The following BORCS5 variants were observed in gnomAD, a reference collection of about 807,000 sequenced individuals.
BORCS5 encodes the protein BLOC-1 related complex subunit 5.
Under a neutral mutation model 22.1 loss-of-function variants are expected in BORCS5, and 17 were observed. The ratio of observed to expected loss-of-function variants is 0.77; its 90% CI spans 0.53 to 1.15. BORCS5 has a LOEUF of 1.15. Among genes scored for constraint, BORCS5 ranks in the 50% most tolerant of loss-of-function variants. BORCS5 has a pLI of 0.00. For synonymous variants in BORCS5, 117 were observed against 99.8 expected, an observed-to-expected ratio of 1.17 and a Z score of -1.03; for missense variants, 247 against 253.2, an observed-to-expected ratio of 0.98 and a Z score of 0.17.
intron 3 of BORCS5, among the ~76,000 whole-genome samples, chr12:12,446,189 A>T (rs1374214407): frequency 6.6e-6 from 1 of 151,034 alleles, no homozygotes; most frequent in Non-Finnish European, 1.5e-5. Flanking sequence ...CTTACATTCC[A>T]TTGTGGACAC....
At position 12,357,154 on chromosome 12, in the gene BORCS5, G is replaced by A. The variant is rs1350119914; in HGVS notation, c.-298G>A. ...GCGGCGCCGCCCGCCGGCCGCAGGT[G>A]CGGCAAAGCCAGTGTCATCTGCCGG... is the stretch of plus-strand genomic sequence containing the variant. On this transcript the variant is annotated 5_prime_UTR_variant, in exon 1 of 4. Transcript: ENST00000314565. 8 of 1,532,934 alleles carry A rather than the reference G, an allele frequency of 5.2e-6. No individual in the cohort carries two copies. Among genetic ancestry groups the A allele is most frequent in the African/African-American group, 4.1e-5 (3 of 72,974 alleles). The allele number at this position is 1,532,934 out of a possible 1,614,324, so 95.0% of individuals were successfully genotyped here. A position where few individuals can be genotyped will look rare whatever the true frequency, so the allele number is the denominator to read the frequency against.
intron 2 of BORCS5, among the ~76,000 whole-genome samples, chr12:12,391,468 C>T (rs1941181341): frequency 6.6e-6 from 1 of 151,692 alleles, no homozygotes; most frequent in Non-Finnish European, 1.5e-5. Flanking sequence ...TCACTTCAAC[C>T]TCCACCACCT....
chr12:12,423,848 C>T (rs193221925), intron 2 of BORCS5, among the ~76,000 whole-genome samples: 118 of 152,204 alleles, frequency 7.8e-4, no homozygotes, highest in African/African-American at 2.6e-3. Flanking sequence ...GCCACCACGC[C>T]TGGCTAATTT....
rs139489489 is a variant in BORCS5 at position 12,439,860 on chromosome 12, C to T, written c.360+4075C>T. ...AGCAAACTCCTGAATCATATCCGTC[C>T]GTCTATGTTCACCTCAGACCTAAGG... On this transcript the variant is annotated intron_variant, in intron 3 of 3. Coordinates refer to ENST00000314565, the MANE Select transcript of BORCS5 (RefSeq NM_058169.6). Among the ~76,000 whole-genome samples, 8 of 152,270 alleles carry T rather than the reference C, an allele frequency of 5.3e-5. No individual in the cohort carries two copies. In the South Asian group the frequency reaches 6.2e-4, roughly 12 times the overall value.
chr12:12,398,604 G>C (rs1336079459), intron 2 of BORCS5, among the ~76,000 whole-genome samples: 1 of 152,060 alleles, frequency 6.6e-6, no homozygotes, highest in Non-Finnish European at 1.5e-5. Context: ...AGCTCTTTTG[G>C]CTCAATATAA....
intron 2 of BORCS5, among the ~76,000 whole-genome samples, chr12:12,425,152 G>C (rs1363451978): frequency 6.6e-6 from 1 of 152,214 alleles, no homozygotes; most frequent in Admixed American, 6.5e-5. Context: ...CCAGGAATAA[G>C]TGCGTAGCTG....
Position 12,357,103 on chromosome 12 carries a change from T to A in BORCS5, c.-349T>A, listed in dbSNP as rs1388105228. On this transcript the variant is annotated 5_prime_UTR_variant, in exon 1 of 4. Transcript: ENST00000314565. ...ATCTGCGTCCCGGAAGGAGCGAGCT[T>A]GCGGAGCGTGAACCAGTGAGTGAAA... 5 of 1,534,504 alleles carry A rather than the reference T, an allele frequency of 3.3e-6. No individual in the cohort carries two copies. Among genetic ancestry groups the A allele is most frequent in the Non-Finnish European group, 4.4e-6 (5 of 1,146,066 alleles).
intron 3 of BORCS5, among the ~76,000 whole-genome samples, chr12:12,460,834 G>A (rs532241145): frequency 2.1e-4 from 32 of 152,260 alleles, no homozygotes; most frequent in African/African-American, 7.0e-4. Context: ...CATAAGCATT[G>A]CTTGGTCATA....
intron 2 of BORCS5, among the ~76,000 whole-genome samples, chr12:12,407,739 G>A (rs10772560): frequency 0.22 from 32,101 of 143,648 alleles, 4,497 homozygotes; most frequent in Admixed American, 0.3. Context: ...AGGGCCTCAC[G>A]CTGTCACCCA....
chr12:12,405,911 G>A lies in BORCS5; in HGVS notation c.203-29717G>A, dbSNP rs182251020. On this transcript the variant is annotated intron_variant, in intron 2 of 3. Transcript: ENST00000314565. ...TGGATAGCTCACAGAATCAGCAGAA[G>A]AGCTCTAGAATCGTGTTTTGGGCTA... is the stretch of plus-strand genomic sequence containing the variant. 3.4e-3 allele frequency among the ~76,000 whole-genome samples: 514 copies of A among 152,382 alleles called. 6 individuals carry two copies. Among genetic ancestry groups the A allele is most frequent in the Middle Eastern group, 3.4e-3 (1 of 294 alleles).
chr12:12,450,732 T>G (rs556453516), intron 3 of BORCS5, among the ~76,000 whole-genome samples: 13 of 152,332 alleles, frequency 8.5e-5, no homozygotes, highest in African/African-American at 3.1e-4. Context: ...GAATTCTGGC[T>G]TCACTGCTAG....
At chr12:12,413,425 G>A in intron 2 of BORCS5, among the ~76,000 whole-genome samples, 1 of 147,464 alleles carries the variant, frequency 6.8e-6, no homozygotes, top group Non-Finnish European at 1.5e-5. Context: ...AGGATCCCAA[G>A]GCAGAAGAAT....
In BORCS5 at chr12:12,357,375, G is replaced by GCCCCTGC; in HGVS notation, c.-74_-68dup. On this transcript the variant is annotated 5_prime_UTR_variant, in exon 1 of 4. Transcript: ENST00000314565. ...CTTTGCCTCCCCGTCCCGGTCCCTG[G>GCCCCTGC]CCCCTGCCCTGTCGCCCGCCGCCGG... 6.4e-7 allele frequency: 1 copy of GCCCCTGC among 1,553,046 alleles called. No individual in the cohort carries two copies. The highest frequency in any genetic ancestry group is 1.9e-5 in the Admixed American group (1 of 53,430).
chr12:12,371,198 G>A (rs950508161), intron 2 of BORCS5, among the ~76,000 whole-genome samples: 1 of 152,130 alleles, frequency 6.6e-6, no homozygotes, highest in African/African-American at 2.4e-5. Context: ...TTTAGTGAAG[G>A]GTCTTATTTA....
At chr12:12,427,748 G>A (rs1043373048) in intron 2 of BORCS5, among the ~76,000 whole-genome samples, 14 of 152,184 alleles carry the variant, frequency 9.2e-5, no homozygotes, top group Admixed American at 3.3e-4. Flanking sequence ...ATTTGCCTCT[G>A]CCGAGGACCT....
At chr12:12,430,312 G>A in intron 2 of BORCS5, among the ~76,000 whole-genome samples, 1 of 151,886 alleles carries the variant, frequency 6.6e-6, no homozygotes, top group East Asian at 1.9e-4. Flanking sequence ...CACCACGCCT[G>A]GCTAATTTTT....
intron 2 of BORCS5, among the ~76,000 whole-genome samples, chr12:12,366,694 AT>A (rs1565829514): frequency 6.6e-6 from 1 of 152,204 alleles, no homozygotes; most frequent in Non-Finnish European, 1.5e-5. Flanking sequence ...AACCACTCAT[AT>A]TTTTTAATGA....
intron 3 of BORCS5, among the ~76,000 whole-genome samples, chr12:12,450,605 A>G (rs1051144524): frequency 1.3e-5 from 2 of 152,226 alleles, no homozygotes; most frequent in Non-Finnish European, 2.9e-5. Context: ...AAGGATTTCA[A>G]AAAGGCATTA....
intron 3 of BORCS5, among the ~76,000 whole-genome samples, chr12:12,459,619 A>G (rs1420777824): frequency 2.6e-5 from 4 of 152,156 alleles, no homozygotes; most frequent in South Asian, 4.1e-4. Flanking sequence ...CAAGGTAGCA[A>G]AGATTTTTCT....
Sources: gnomAD v4.1 joint callset for allele counts (sites outside exome capture counted in the v4.1 genomes callset) on GRCh38, gnomAD v4.1.1 for gene constraint, MANE v1.5 for transcripts, NCBI Gene and HGNC (gene_info 2026-07-23, HGNC 2026-07-21) for gene names.